Variants in SLC18A1 observed in about 807,000 individuals in gnomAD.
SLC18A1 encodes solute carrier family 18 member A1, also known as chromaffin granule amine transporter.
Under a neutral mutation model 53.7 loss-of-function variants are expected in SLC18A1, and 69 were observed. That is an observed-to-expected ratio of 1.28 (90% CI 1.06 to 1.57). The LOEUF is 1.57. Among genes scored for constraint, SLC18A1 ranks in the 40% most tolerant of loss-of-function variants. SLC18A1 has a pLI of 0.00. For synonymous variants in SLC18A1, 320 were observed against 248.1 expected (o/e 1.29, Z -2.72); for missense variants, 932 against 668.1 (o/e 1.40, Z -4.35).
At chr8:20,173,570 C>T (rs953313729) in intron 5 of SLC18A1, among the ~76,000 whole-genome samples, 11 of 152,160 alleles carry the variant, frequency 7.2e-5, no homozygotes, top group South Asian at 4.1e-4. Context: ...TAGTGCTGTA[C>T]GGCAGCTGGA....
chr8:20,162,265 T>A (rs916850328), intron 10 of SLC18A1, among the ~76,000 whole-genome samples: 1 of 152,116 alleles, frequency 6.6e-6, no homozygotes, highest in African/African-American at 2.4e-5. Flanking sequence ...GCTTCGAAGG[T>A]CTCTAAAATG....
Position 20,145,483 on chromosome 8 carries a change from G to A in SLC18A1, c.*280C>T, listed in dbSNP as rs115868323. The A allele has an allele frequency of 2.6e-5, 7 of 272,248 alleles. No homozygotes were observed. Among genetic ancestry groups the A allele is most frequent in the South Asian group, 1.1e-4 (1 of 9,440 alleles). The allele number at this position is 272,248 out of a possible 1,614,324, so 16.9% of individuals were successfully genotyped here. ...CAATGAGTCACCCCTTGCAGAACCC[G>A]TCACAGCTCAAGTTTAATCAACCTC... On this transcript the variant is annotated 3_prime_UTR_variant, in exon 16 of 16. Coordinates refer to ENST00000276373, the MANE Select transcript of SLC18A1 (RefSeq NM_003053.4).
intron 11 of SLC18A1, 145 bp downstream of exon 11, chr8:20,150,521 C>T (rs752489682): frequency 1.3e-6 from 1 of 741,434 alleles, no homozygotes; most frequent in Non-Finnish European, 2.4e-6. Context: ...ACTCACTGCC[C>T]ATCCTCCCAG....
chr8:20,150,819 T>C, intron 10 of SLC18A1, 75 bp from the exon 11 acceptor site: 1 of 1,312,450 alleles, frequency 7.6e-7, no homozygotes, highest in East Asian at 2.3e-5. Flanking sequence ...TACAAGACAC[T>C]GAAGTCCACC....
intron 4 of SLC18A1, chr8:20,175,319 C>G (rs1397068138): frequency 2.0e-5 from 3 of 152,144 alleles, no homozygotes; most frequent in African/African-American, 4.8e-5. Flanking sequence ...TAACGCAATC[C>G]TCACAGGGTC....
At chr8:20,151,031 GTA>G in intron 10 of SLC18A1, 1 of 369,376 alleles carries the variant, frequency 2.7e-6, no homozygotes, top group Non-Finnish European at 5.1e-6. Flanking sequence ...GAGTGCAGTG[GTA>G]CAATCTCAGC....
Position 20,181,033 on chromosome 8 carries a change from C to T in SLC18A1, c.-69G>A, listed in dbSNP as rs2072416825. 4 of 1,501,798 alleles carry T rather than the reference C, an allele frequency of 2.7e-6. No homozygotes were observed. The South Asian group carries it at 5.0e-5, about 19-fold the overall frequency. The allele number at this position is 1,501,798 out of a possible 1,614,324, so 93.0% of individuals were successfully genotyped here. A position where few individuals can be genotyped will look rare whatever the true frequency, so the allele number is the denominator to read the frequency against. ...GGAAGGTCCTGTGACAGCTACAGGT[C>T]TCCTGCAGCCTTTATGGAAGAGGGG... On this transcript the variant is annotated 5_prime_UTR_variant, in exon 2 of 16. Coordinates refer to ENST00000276373, the MANE Select transcript of SLC18A1 (RefSeq NM_003053.4).
At chr8:20,145,945 TC>T in intron 15 of SLC18A1, 69 bp from the exon 16 acceptor site, 2 of 883,160 alleles carry the variant, frequency 2.3e-6, no homozygotes, top group South Asian at 4.0e-5. Context: ...AGACGGAGTC[TC>T]GCTCTGTTGC....
At chr8:20,162,856 C>A (rs7007385) in intron 10 of SLC18A1, among the ~76,000 whole-genome samples, 4,956 of 152,308 alleles carry the variant, frequency 0.033, 287 homozygotes, top group African/African-American at 0.11. Context: ...TTAACCACAG[C>A]AATACAGGCT....
chr8:20,156,759 G>A (rs115037029), intron 10 of SLC18A1, among the ~76,000 whole-genome samples: 293 of 152,300 alleles, frequency 1.9e-3, no homozygotes, highest in African/African-American at 6.9e-3. Flanking sequence ...AATAATTAGG[G>A]TGTATTCCTA....
intron 8 of SLC18A1, among the ~76,000 whole-genome samples, chr8:20,169,740 A>T (rs780047491): frequency 6.6e-6 from 1 of 152,086 alleles, no homozygotes; most frequent in Non-Finnish European, 1.5e-5. Context: ...TTAGCTGGGC[A>T]TGGTGGTGCG....
intron 8 of SLC18A1, among the ~76,000 whole-genome samples, chr8:20,170,501 C>T (rs1304398217): frequency 3.9e-5 from 6 of 152,126 alleles, no homozygotes; most frequent in African/African-American, 1.4e-4. Context: ...ACACTTGATG[C>T]ACTTTCTTAC....
chr8:20,163,859 G>C lies in SLC18A1; in HGVS notation c.1015+1010C>G, dbSNP rs1268955303. Among the ~76,000 whole-genome samples, 7 of 152,298 alleles carry C rather than the reference G, an allele frequency of 4.6e-5. No individual in the cohort carries two copies. In the South Asian group the frequency reaches 1.0e-3, roughly 23 times the overall value. The stretch of plus-strand genomic sequence containing the variant: ...TGAGTAATTGGTAACTGGCAACTGA[G>C]AATGGTCCCTAGGCTGCTGGGGAGG... On this transcript the variant is annotated intron_variant, in intron 10 of 15. Transcript: ENST00000276373.
rs774188222 is a variant in SLC18A1, at chr8:20,148,049, A to G, written c.1168T>C (p.Phe390Leu). ...LLCVPLAHNI[F>L]GLIGPNAGLG... ...CCTGCATTGGGGCCAATGAGACCAA[A>G]AATATTGTGAGCCAGAGGAACCTGC... The change falls in exon 13 of 16, where the codon TTT (phenylalanine) becomes CTT (leucine). Residue 390 changes from phenylalanine to leucine, a missense_variant. Physicochemically the swap from Phe to Leu is conservative, Grantham distance 22. Coordinates refer to ENST00000276373, the MANE Select transcript of SLC18A1 (RefSeq NM_003053.4). 9.3e-6 allele frequency: 15 copies of G among 1,614,094 alleles called. No homozygotes were observed. In the East Asian group the frequency reaches 3.3e-4, roughly 36 times the overall value.
At chr8:20,163,405 A>G (rs1275369390) in intron 10 of SLC18A1, among the ~76,000 whole-genome samples, 1 of 152,168 alleles carries the variant, frequency 6.6e-6, no homozygotes, top group Non-Finnish European at 1.5e-5. Flanking sequence ...TAAATAACTT[A>G]TCCGAGGTCA....
chr8:20,179,884 T>C (rs2072377217), intron 2 of SLC18A1, among the ~76,000 whole-genome samples: 1 of 152,126 alleles, frequency 6.6e-6, no homozygotes, highest in Non-Finnish European at 1.5e-5. Flanking sequence ...TTCACAGACA[T>C]GTCCAGCTCT....
At chr8:20,152,513 G>A (rs1049193659) in intron 10 of SLC18A1, among the ~76,000 whole-genome samples, 5 of 152,126 alleles carry the variant, frequency 3.3e-5, no homozygotes, top group African/African-American at 1.2e-4. Flanking sequence ...TAGCGGGAGT[G>A]AGGAGGGGAA....
intron 12 of SLC18A1, chr8:20,148,440 C>A: frequency 7.7e-7 from 1 of 1,291,646 alleles, no homozygotes; most frequent in Non-Finnish European, 1.0e-6. Flanking sequence ...TGGTCTCATT[C>A]TTCATGGAAT....
chr8:20,164,222 G>C (rs1057243015), intron 10 of SLC18A1, among the ~76,000 whole-genome samples: 1 of 152,082 alleles, frequency 6.6e-6, no homozygotes, highest in Non-Finnish European at 1.5e-5. Context: ...CAGGGTTCCT[G>C]GGAAGGGCTA....
Sources: gnomAD v4.1 joint callset for allele counts (sites outside exome capture counted in the v4.1 genomes callset) on GRCh38, gnomAD v4.1.1 for gene constraint, MANE v1.5 for transcripts, NCBI Gene and HGNC (gene_info 2026-07-23, HGNC 2026-07-21) for gene names.